Variants in RAP1B observed in about 807,000 individuals in gnomAD.
RAP1B encodes ras-related protein Rap-1b.
A neutral mutation model predicts 27.5 loss-of-function variants in RAP1B; 1 was observed. The observed-to-expected ratio is 0.04, with a 90% CI of 0.01 to 0.17. The LOEUF (loss-of-function observed/expected upper bound fraction) is 0.17. Among genes scored for constraint, RAP1B ranks in the 10% least tolerant of loss-of-function variants. RAP1B has a pLI of 1.00. For missense variants in RAP1B, 84 were observed against 214.8 expected, an observed-to-expected ratio of 0.39 and a Z score of 3.81; for synonymous variants, 75 against 73.1, an observed-to-expected ratio of 1.03 and a Z score of -0.13.
At chr12:68,636,953 C>T (rs999826081) in intron 1 of RAP1B, among the ~76,000 whole-genome samples, 52 of 152,288 alleles carry the variant, frequency 3.4e-4, no homozygotes, top group African/African-American at 1.2e-3. Flanking sequence ...CACACCCGGC[C>T]TGTCCCTACT....
intron 2 of RAP1B, chr12:68,649,743 T>A (rs535242459): frequency 2.6e-5 from 4 of 151,928 alleles, no homozygotes; most frequent in Admixed American, 2.0e-4. Context: ...GATGGGGAGG[T>A]CAGTTGATCC....
At position 68,666,206 on chromosome 12, in the gene RAP1B, A is replaced by C. The variant is rs141616194; in HGVS notation, c.*6957A>C. On this transcript the variant is annotated 3_prime_UTR_variant, in exon 8 of 8. Coordinates refer to ENST00000250559, the MANE Select transcript of RAP1B (RefSeq NM_001010942.3). ...ATTTCTCTACTTCCCCAGTAATGTA[A>C]ACTTTATTTTCTCTCAATTTTCGTA... is the stretch of plus-strand genomic sequence containing the variant. 1 of 152,296 alleles carries C rather than the reference A, an allele frequency of 6.6e-6. No individual in the cohort carries two copies. The highest frequency in any genetic ancestry group is 1.9e-4 in the East Asian group (1 of 5,180). The allele number at this position is 152,296 out of a possible 1,614,324, so 9.4% of individuals were successfully genotyped here. A position where few individuals can be genotyped will look rare whatever the true frequency, so the allele number is the denominator to read the frequency against.
intron 1 of RAP1B, among the ~76,000 whole-genome samples, chr12:68,632,146 G>T (rs59441419): frequency 0.45 from 48,120 of 106,198 alleles, 9,474 homozygotes; most frequent in African/African-American, 0.62. Flanking sequence ...TTTTTTTTTT[G>T]TTTGTTTTTT....
chr12:68,640,158 G>T (rs1490219963), intron 1 of RAP1B, among the ~76,000 whole-genome samples: 1 of 152,048 alleles, frequency 6.6e-6, no homozygotes, highest in African/African-American at 2.4e-5. Flanking sequence ...TTTTTTAAAT[G>T]CTCAACAGGA....
chr12:68,622,172 G>A (rs1411702525), intron 1 of RAP1B, among the ~76,000 whole-genome samples: 1 of 152,180 alleles, frequency 6.6e-6, no homozygotes, highest in East Asian at 1.9e-4. Flanking sequence ...TGTAGAGAAA[G>A]TTGGACTAAA....
chr12:68,657,203 G>A lies in RAP1B; in HGVS notation c.*16G>A. 3 of 1,582,122 alleles carry A rather than the reference G, an allele frequency of 1.9e-6. No homozygotes were observed. The highest frequency in any genetic ancestry group is 2.2e-5 in the South Asian group (2 of 90,132). On this transcript the variant is annotated 3_prime_UTR_variant, in exon 7 of 8. Coordinates refer to ENST00000250559, the MANE Select transcript of RAP1B (RefSeq NM_001010942.3). ...GCTGCTTTAATATACTAAATGCATT[G>A]TAGCTCTGAGCCAGGTATGTTCACT...
At chr12:68,643,338 C>T (rs1400480896) in intron 1 of RAP1B, among the ~76,000 whole-genome samples, 3 of 152,076 alleles carry the variant, frequency 2.0e-5, no homozygotes, top group Non-Finnish European at 4.4e-5. Flanking sequence ...AACTTAAGTC[C>T]TTTGCTACCA....
chr12:68,640,369 C>A (rs1261343043), intron 1 of RAP1B, among the ~76,000 whole-genome samples: 1 of 151,878 alleles, frequency 6.6e-6, no homozygotes, highest in Non-Finnish European at 1.5e-5. Context: ...GACTTTGTTT[C>A]CCCCTCTATA....
intron 1 of RAP1B, among the ~76,000 whole-genome samples, chr12:68,617,094 C>T (rs564407417): frequency 6.6e-6 from 1 of 152,128 alleles, no homozygotes; most frequent in East Asian, 1.9e-4. Flanking sequence ...AAAATTTATC[C>T]TCACATTAGA....
chr12:68,652,550 C>T (rs762093311), intron 4 of RAP1B, among the ~76,000 whole-genome samples: 10 of 152,154 alleles, frequency 6.6e-5, no homozygotes, highest in Non-Finnish European at 1.5e-4. Flanking sequence ...CGCAGTGGCT[C>T]ACGCCTGTAA....
chr12:68,621,228 G>A (rs888392580), intron 1 of RAP1B, among the ~76,000 whole-genome samples: 1 of 151,832 alleles, frequency 6.6e-6, no homozygotes, highest in African/African-American at 2.4e-5. Context: ...AATTTAACAG[G>A]AAGCTTTAGT....
rs1870526857 is a variant in RAP1B at position 68,611,041 on chromosome 12, G to A, written c.-29G>A. On this transcript the variant is annotated splice_region_variant and 5_prime_UTR_variant, in exon 1 of 8. Transcript: ENST00000250559. ...CTGCAGGGACCCGGTGACAGCGTGA[G>A]AGGTTCGCAGAGTGAGTGCGTGGCC... 1 of 296,314 alleles carries A rather than the reference G, an allele frequency of 3.4e-6. No individual in the cohort carries two copies. Among genetic ancestry groups the A allele is most frequent in the Non-Finnish European group, 6.2e-6 (1 of 160,016 alleles). The allele number at this position is 296,314 out of a possible 1,614,324, so 18.4% of individuals were successfully genotyped here.
At chr12:68,639,028 CAA>C (rs2135945035) in intron 1 of RAP1B, among the ~76,000 whole-genome samples, 1 of 152,230 alleles carries the variant, frequency 6.6e-6, no homozygotes, top group East Asian at 1.9e-4. Context: ...ATTATTATAA[CAA>C]AACATTTTAT....
rs1478074349 is a variant in RAP1B at position 68,663,895 on chromosome 12, C to T, written c.*4646C>T. 1 of 152,140 alleles carries T rather than the reference C, an allele frequency of 6.6e-6. No homozygotes were observed. The highest frequency in any genetic ancestry group is 1.9e-4 in the East Asian group (1 of 5,202). 9.4% of individuals were successfully genotyped at this position (152,140 alleles called of 1,614,324 possible). ...TATTGGTAACAGTCTGTTAAACTTT[C>T]TAAGAGCTTTCCAACTTTCTAAGAG... On this transcript the variant is annotated 3_prime_UTR_variant, in exon 8 of 8. Coordinates refer to ENST00000250559, the MANE Select transcript of RAP1B (RefSeq NM_001010942.3).
At chr12:68,626,797 T>C (rs943752185) in intron 1 of RAP1B, 16 of 1,349,774 alleles carry the variant, frequency 1.2e-5, no homozygotes, top group Non-Finnish European at 1.6e-5. Context: ...TGTTTGTTTG[T>C]TTGTTTGTTT....
intron 1 of RAP1B, chr12:68,626,780 T>C (rs1871813745): frequency 7.8e-7 from 1 of 1,287,732 alleles, no homozygotes; most frequent in East Asian, 2.6e-5. Context: ...GGGTGTTTTT[T>C]TTTTGTTGTT....
rs1873855392 is a variant in RAP1B, at chr12:68,652,141, G to A, written c.183+90G>A. On this transcript the variant is annotated intron_variant, in intron 4 of 7. Coordinates refer to ENST00000250559, the MANE Select transcript of RAP1B (RefSeq NM_001010942.3). The stretch of plus-strand genomic sequence containing the variant: ...TACTCTATAGACAAATATTAGTTAA[G>A]CTTATTTAAAAGTACTGCTTGCAGC... 3.8e-6 allele frequency: 4 copies of A among 1,055,040 alleles called. No homozygotes were observed. The South Asian group carries it at 4.8e-5, about 13-fold the overall frequency. The allele number at this position is 1,055,040 out of a possible 1,614,324, so 65.4% of individuals were successfully genotyped here.
At chr12:68,645,919 G>A (rs1430142844) in intron 1 of RAP1B, among the ~76,000 whole-genome samples, 2 of 152,128 alleles carry the variant, frequency 1.3e-5, no homozygotes, top group Non-Finnish European at 2.9e-5. Context: ...AATGGGTAAA[G>A]AAAATATCAT....
At chr12:68,638,662 C>T (rs1872787725) in intron 1 of RAP1B, among the ~76,000 whole-genome samples, 1 of 151,640 alleles carries the variant, frequency 6.6e-6, no homozygotes. Flanking sequence ...AGGAATCTAA[C>T]TTTTTTTTGT....
Sources: allele counts gnomAD v4.1 joint callset (sites outside exome capture counted in the v4.1 genomes callset), GRCh38; gene constraint gnomAD v4.1.1; transcripts MANE v1.5; gene names NCBI Gene and HGNC (gene_info 2026-07-23, HGNC 2026-07-21).